PRR5L: variants seen among roughly 807,000 people sequenced by gnomAD.
PRR5L encodes proline-rich protein 5-like.
A neutral mutation model predicts 36.4 loss-of-function variants in PRR5L; 21 were observed. The observed-to-expected ratio is 0.58, with a 90% CI of 0.41 to 0.83. The LOEUF (loss-of-function observed/expected upper bound fraction) is 0.83. Ranked by LOEUF, PRR5L falls within the 40% of genes least tolerant of loss-of-function variation. The pLI is 0.00. For synonymous variants in PRR5L, 188 were observed against 197.0 expected (o/e 0.95, Z 0.38); for missense variants, 381 against 473.3 (o/e 0.80, Z 1.81).
At chr11:36,297,960 G>A (rs1856331021) in intron 1 of PRR5L, among the ~76,000 whole-genome samples, 1 of 152,240 alleles carries the variant, frequency 6.6e-6, no homozygotes, top group Non-Finnish European at 1.5e-5. Context: ...GCTGTGGCAA[G>A]CTGGCATTTC....
At chr11:36,355,535 CTGCTTTGCTT>C (rs1239371376) in intron 1 of PRR5L, among the ~76,000 whole-genome samples, 2 of 149,456 alleles carry the variant, frequency 1.3e-5, no homozygotes, top group East Asian at 3.9e-4. Flanking sequence ...AGCCCATGCT[CTGCTTTGCTT>C]TGCTTTTTTT....
intron 1 of PRR5L, among the ~76,000 whole-genome samples, chr11:36,318,163 T>G (rs1018645161): frequency 6.6e-6 from 1 of 152,254 alleles, no homozygotes. Flanking sequence ...ATATACCATA[T>G]AGCCCAGGTG....
At chr11:36,419,227 C>T (rs375319163) in intron 3 of PRR5L, 28 bp from the exon 4 acceptor site, 237 of 1,607,166 alleles carry the variant, frequency 1.5e-4, no homozygotes, top group South Asian at 2.3e-4. Context: ...GGCTGCTTGA[C>T]GGTGTTTCTC....
intron 5 of PRR5L, among the ~76,000 whole-genome samples, chr11:36,436,899 A>G (rs1449016393): frequency 6.6e-6 from 1 of 152,234 alleles, no homozygotes; most frequent in Non-Finnish European, 1.5e-5. Context: ...AATAACAATT[A>G]CTATGTGATT....
chr11:36,425,053 C>G (rs1354250666), intron 4 of PRR5L, among the ~76,000 whole-genome samples: 2 of 152,168 alleles, frequency 1.3e-5, no homozygotes, highest in African/African-American at 4.8e-5. Flanking sequence ...AACTCCTGAC[C>G]TCAGGTGATC....
chr11:36,365,071 T>C (rs1028217839), intron 1 of PRR5L, among the ~76,000 whole-genome samples: 1 of 152,244 alleles, frequency 6.6e-6, no homozygotes, highest in Non-Finnish European at 1.5e-5. Context: ...TGGTACTTAA[T>C]GTAAACTCAG....
chr11:36,390,087 T>C (rs1219195322), intron 1 of PRR5L, among the ~76,000 whole-genome samples: 1 of 152,188 alleles, frequency 6.6e-6, no homozygotes, highest in Non-Finnish European at 1.5e-5. Context: ...CACAAACCTA[T>C]AACAAATAAT....
intron 4 of PRR5L, among the ~76,000 whole-genome samples, chr11:36,427,934 T>C (rs567515937): frequency 1.2e-4 from 19 of 152,290 alleles, no homozygotes; most frequent in Admixed American, 4.6e-4. Flanking sequence ...CCCCAAGAGA[T>C]TGCACATCTG....
At chr11:36,441,718 C>T (rs1195799100) in intron 6 of PRR5L, among the ~76,000 whole-genome samples, 1 of 152,138 alleles carries the variant, frequency 6.6e-6, no homozygotes, top group Admixed American at 6.5e-5. Flanking sequence ...TGTGGGGGCT[C>T]CACCCCTGTG....
chr11:36,387,034 T>A (rs61877971), intron 1 of PRR5L, among the ~76,000 whole-genome samples: 36 of 152,266 alleles, frequency 2.4e-4, no homozygotes, highest in Admixed American at 1.9e-3. Flanking sequence ...CCAGATCTAG[T>A]CTCCTATGCT....
chr11:36,351,346 TATA>T (rs1856945818), intron 1 of PRR5L, among the ~76,000 whole-genome samples: 5 of 86,716 alleles, frequency 5.8e-5, no homozygotes, highest in East Asian at 8.3e-4. Flanking sequence ...ATTTATAATA[TATA>T]ATAAATATAT....
chr11:36,465,135 G>A lies in PRR5L; in HGVS notation c.*2399G>A, dbSNP rs887076886. On this transcript the variant is annotated 3_prime_UTR_variant, in exon 9 of 9. Coordinates refer to ENST00000530639, the MANE Select transcript of PRR5L (RefSeq NM_001160167.2). ...AGGAAGCAATCATGACTCTTCAAGT[G>A]AGCTCACAGAAACCTTTCATGTTGT... 1.3e-5 allele frequency: 2 copies of A among 152,150 alleles called. No homozygotes were observed. The highest frequency in any genetic ancestry group is 4.8e-5 in the African/African-American group (2 of 41,430). The allele number at this position is 152,150 out of a possible 1,614,324, so 9.4% of individuals were successfully genotyped here.
intron 1 of PRR5L, among the ~76,000 whole-genome samples, chr11:36,350,954 A>ATATATATATGTATT (rs1856928226): frequency 7.2e-5 from 1 of 13,986 alleles, no homozygotes; most frequent in African/African-American, 2.1e-4. Flanking sequence ...ATATATATTT[A>ATATATATATGTATT]TATATATTTA....
Position 36,361,731 on chromosome 11 carries a change from T to C in PRR5L, c.-125-39266T>C, listed in dbSNP as rs544612681. 1.2e-4 allele frequency among the ~76,000 whole-genome samples: 19 copies of C among 152,376 alleles called. 1 individual carries two copies. In the South Asian group the frequency reaches 3.7e-3, roughly 30 times the overall value. On this transcript the variant is annotated intron_variant, in intron 1 of 8. Transcript: ENST00000530639. ...ACAACCTTTTTCATTACCCTTGGACTTCTGCAGAATTTTCCTAAGTGTGAC... is the reference window on the plus strand; with the variant it reads ...ACAACCTTTTTCATTACCCTTGGACCTCTGCAGAATTTTCCTAAGTGTGAC...
intron 5 of PRR5L, 96 bp from the exon 6 acceptor site, chr11:36,437,289 T>G (rs1014308194): frequency 2.4e-5 from 21 of 878,824 alleles, no homozygotes; most frequent in Non-Finnish European, 3.7e-5. Flanking sequence ...ATGTGCAGCT[T>G]GACATTTTAT....
intron 4 of PRR5L, among the ~76,000 whole-genome samples, chr11:36,431,011 A>G (rs1438792118): frequency 2.0e-5 from 3 of 152,194 alleles, no homozygotes; most frequent in African/African-American, 4.8e-5. Context: ...ATAATATGAC[A>G]TGAGTGTAAA....
intron 1 of PRR5L, among the ~76,000 whole-genome samples, chr11:36,314,773 A>G (rs1455610634): frequency 2.0e-5 from 3 of 152,204 alleles, no homozygotes; most frequent in Admixed American, 6.5e-5. Flanking sequence ...GTCTCAAAGC[A>G]CTTTGCAGAC....
chr11:36,302,873 T>G (rs1018031870), intron 1 of PRR5L, among the ~76,000 whole-genome samples: 2 of 152,206 alleles, frequency 1.3e-5, no homozygotes, highest in Non-Finnish European at 2.9e-5. Flanking sequence ...TTTTAAGCAC[T>G]TCATCTATAT....
chr11:36,337,693 G>T (rs754406453), intron 1 of PRR5L, among the ~76,000 whole-genome samples: 6 of 152,094 alleles, frequency 3.9e-5, no homozygotes, highest in African/African-American at 1.2e-4. Flanking sequence ...ATATTGTTCC[G>T]CATGGTATCC....
Sources: allele counts gnomAD v4.1 joint callset (sites outside exome capture counted in the v4.1 genomes callset), GRCh38; gene constraint gnomAD v4.1.1; transcripts MANE v1.5; gene names NCBI Gene and HGNC (gene_info 2026-07-23, HGNC 2026-07-21).